DOCK1: variants seen among roughly 807,000 people sequenced by gnomAD.
DOCK1 encodes dedicator of cytokinesis protein 1.
A neutral mutation model predicts 262.7 loss-of-function variants in DOCK1; 138 were observed. That is an observed-to-expected ratio of 0.53 (90% CI 0.46 to 0.61). The LOEUF (loss-of-function observed/expected upper bound fraction) is 0.61. Among genes scored for constraint, DOCK1 ranks in the 20% least tolerant of loss-of-function variants. The pLI, the probability that DOCK1 is intolerant of heterozygous loss-of-function variation, is 0.00. For synonymous variants in DOCK1, 866 were observed against 867.4 expected (o/e 1.00, Z 0.03); for missense variants, 1,908 against 2,370.7 (o/e 0.80, Z 4.05).
chr10:127,060,296 C>G (rs1337369619), intron 22 of DOCK1, among the ~76,000 whole-genome samples: 1 of 152,070 alleles, frequency 6.6e-6, no homozygotes, highest in Non-Finnish European at 1.5e-5. Context: ...TTCTTCATGC[C>G]ACTTGCAAGC....
In DOCK1 at chr10:127,012,400, A is replaced by G. The variant is rs756717174; in HGVS notation, c.1201+26A>G. 3.7e-6 allele frequency: 6 copies of G among 1,611,630 alleles called. No homozygotes were observed. The African/African-American group carries it at 4.0e-5, about 11-fold the overall frequency. On this transcript the variant is annotated intron_variant, in intron 12 of 51. Transcript: ENST00000623213. This position sits in a 1 kb window ranked among gnomAD's most constrained non-coding sequence, Gnocchi z 4.0. ...GTACGTATTTTCCTATTTTGTTTCT[A>G]TCAGCGTGTATTTGCATGCGTTGGG...
chr10:126,975,647 T>C (rs758828859), intron 2 of DOCK1, among the ~76,000 whole-genome samples: 36 of 151,148 alleles, frequency 2.4e-4, no homozygotes, highest in Non-Finnish European at 4.4e-4. Context: ...TTTTTTGAGA[T>C]GGAGTCTTGC....
intron 1 of DOCK1, among the ~76,000 whole-genome samples, chr10:126,936,612 T>C (rs1258625027): frequency 6.6e-6 from 1 of 152,192 alleles, no homozygotes; most frequent in Non-Finnish European, 1.5e-5. Flanking sequence ...TTTGCCCACC[T>C]CTGGTATTGG....
At position 127,176,352 on chromosome 10, in the gene DOCK1, T is replaced by C; in HGVS notation, c.2847+48588T>C. On this transcript the variant is annotated intron_variant, in intron 27 of 51. Transcript: ENST00000623213. The surrounding 1 kb of genome is among the most constrained non-coding windows in gnomAD (Gnocchi z 4.4). Reference sequence around the variant, plus strand: ...GCAGGCGGCGGGTTCCACTTCACTCTCCGACGTTGTGAGTATGCATTTGCC... The same window carrying C: ...GCAGGCGGCGGGTTCCACTTCACTCCCCGACGTTGTGAGTATGCATTTGCC... 6.2e-7 allele frequency: 1 copy of C among 1,613,470 alleles called. No homozygotes were observed. The highest frequency in any genetic ancestry group is 8.5e-7 in the Non-Finnish European group (1 of 1,179,854).
intron 27 of DOCK1, among the ~76,000 whole-genome samples, chr10:127,138,628 C>T (rs2486970): frequency 0.51 from 77,838 of 151,588 alleles, 21,753 homozygotes; most frequent in East Asian, 0.73. Flanking sequence ...AACGGTACTC[C>T]GCCATTACTA....
intron 23 of DOCK1, among the ~76,000 whole-genome samples, chr10:127,096,861 C>CTT (rs1388529861): frequency 6.6e-6 from 1 of 152,010 alleles, no homozygotes; most frequent in Non-Finnish European, 1.5e-5. Flanking sequence ...AATCTCAGCA[C>CTT]TTTGGGAGGC....
At chr10:127,071,098 G>A (rs1305077392) in intron 23 of DOCK1, among the ~76,000 whole-genome samples, 1 of 152,150 alleles carries the variant, frequency 6.6e-6, no homozygotes, top group African/African-American at 2.4e-5. Context: ...AAGAAGGAAC[G>A]AGGGAAGTGA....
intron 27 of DOCK1, among the ~76,000 whole-genome samples, chr10:127,222,583 C>T (rs888049398): frequency 1.3e-5 from 2 of 151,858 alleles, no homozygotes; most frequent in African/African-American, 4.8e-5. Context: ...TACATAGAGA[C>T]CACCTTTCTT....
chr10:127,044,385 A>G (rs1376100634), intron 21 of DOCK1, among the ~76,000 whole-genome samples: 1 of 152,168 alleles, frequency 6.6e-6, no homozygotes, highest in African/African-American at 2.4e-5. Context: ...AGCCTGCGGA[A>G]CAAGCTGTGA....
Position 127,403,066 on chromosome 10 carries a change from G to T in DOCK1, c.3939G>T (p.Glu1313Asp). The change falls in exon 39 of 52, where the codon GAG becomes GAT. Residue 1313 changes from glutamate (E) to aspartate (D), a missense_variant. By Grantham distance (45) the Glu-to-Asp change is conservative (BLOSUM62 2). Coordinates refer to ENST00000623213, the MANE Select transcript of DOCK1 (RefSeq NM_001290223.2). The part of the protein sequence containing the change: ...HYFDKGKMWE[E>D]AIALGKELAE... ...ATTTTAACTCACAGATGTGGGAGGAGGCCATTGCCTTGGGCAAGGAGCTAG... is the reference window on the plus strand; with the variant it reads ...ATTTTAACTCACAGATGTGGGAGGATGCCATTGCCTTGGGCAAGGAGCTAG... The T allele has an allele frequency of 1.2e-6, 2 of 1,611,980 alleles. No homozygotes were observed. The highest frequency in any genetic ancestry group is 1.7e-6 in the Non-Finnish European group (2 of 1,179,152).
chr10:127,451,631 A>G lies in DOCK1; in HGVS notation c.*204A>G. 1.6e-6 allele frequency: 2 copies of G among 1,281,006 alleles called. No homozygotes were observed. The highest frequency in any genetic ancestry group is 2.8e-5 in the Admixed American group (1 of 36,272). 79.4% of individuals were successfully genotyped at this position (1,281,006 alleles called of 1,614,324 possible). On this transcript the variant is annotated 3_prime_UTR_variant, in exon 52 of 52. Transcript: ENST00000623213. ...GGAGCAAGGTGGGTCTGGGAGGTAG[A>G]TATGGGTCCGGGATGTGCTATCGTA... is the stretch of plus-strand genomic sequence containing the variant.
intron 1 of DOCK1, among the ~76,000 whole-genome samples, chr10:126,951,828 A>G (rs2036275437): frequency 1.3e-5 from 2 of 149,972 alleles, no homozygotes; most frequent in Admixed American, 6.8e-5. Context: ...GTAAATGACT[A>G]TGTAACTTTA....
chr10:127,178,453 C>T lies in DOCK1; in HGVS notation c.2847+50689C>T, dbSNP rs1351407240. On this transcript the variant is annotated intron_variant, in intron 27 of 51. Transcript: ENST00000623213. ...TGGCTTCTCCCCACTGAAGAAGTAG[C>T]ACCGCTCCCTCCCAGTGTGACAACT... is the stretch of plus-strand genomic sequence containing the variant. Among the ~76,000 whole-genome samples, 3 of 152,148 alleles carry T rather than the reference C, an allele frequency of 2.0e-5. No homozygotes were observed. The East Asian group carries it at 5.8e-4, about 29-fold the overall frequency.
chr10:126,920,536 A>G (rs1343756814), intron 1 of DOCK1, among the ~76,000 whole-genome samples: 2 of 152,236 alleles, frequency 1.3e-5, no homozygotes, highest in Non-Finnish European at 2.9e-5. Flanking sequence ...TGCAGTAATG[A>G]AAAGCCAATG....
chr10:127,348,098 G>C (rs564712331), intron 31 of DOCK1, among the ~76,000 whole-genome samples: 3 of 151,654 alleles, frequency 2.0e-5, no homozygotes, highest in African/African-American at 7.3e-5. Context: ...ATACCACGCA[G>C]AGAACTGATT....
intron 26 of DOCK1, among the ~76,000 whole-genome samples, 163 bp from the exon 27 acceptor site, chr10:127,127,505 GT>G: frequency 6.6e-6 from 1 of 152,236 alleles, no homozygotes; most frequent in East Asian, 1.9e-4. Context: ...AAACCCCTGA[GT>G]TTTTTTGTGA....
intron 27 of DOCK1, among the ~76,000 whole-genome samples, chr10:127,240,626 C>T (rs574163267): frequency 5.3e-5 from 8 of 152,240 alleles, no homozygotes; most frequent in Admixed American, 3.3e-4. Context: ...TCAATGTATG[C>T]GGCACTGCAC....
intron 1 of DOCK1, among the ~76,000 whole-genome samples, chr10:126,925,289 T>G (rs1267090096): frequency 6.6e-6 from 1 of 152,266 alleles, no homozygotes; most frequent in Non-Finnish European, 1.5e-5. Context: ...TAGAGCTGGG[T>G]GAAGTCCTGC....
chr10:127,289,185 C>A (rs538606001), intron 29 of DOCK1, among the ~76,000 whole-genome samples: 4 of 152,286 alleles, frequency 2.6e-5, no homozygotes, highest in Non-Finnish European at 5.9e-5. Context: ...CGTGCAAACA[C>A]ATACTTGTAT....
Sources: gnomAD v4.1 joint callset for allele counts (sites outside exome capture counted in the v4.1 genomes callset) on GRCh38, gnomAD v4.1.1 for gene constraint, Gnocchi (gnomAD v3.1) non-coding constraint, MANE v1.5 for transcripts, NCBI Gene and HGNC (gene_info 2026-07-23, HGNC 2026-07-21) for gene names.